Variants in NRXN2 observed in about 807,000 individuals in gnomAD.
NRXN2 encodes the protein neurexin-2-beta.
Under a neutral mutation model 128.8 loss-of-function variants are expected in NRXN2, and 29 were observed. The ratio of observed to expected loss-of-function variants is 0.23; its 90% CI spans 0.17 to 0.31. NRXN2 has a LOEUF of 0.31. Ranked by LOEUF, NRXN2 falls within the 10% of genes least tolerant of loss-of-function variation. The probability of loss-of-function intolerance (pLI) is 1.00; values close to 1 mark genes in which losing one functional copy is unlikely to be tolerated. For synonymous variants in NRXN2, 1,098 were observed against 1,075.2 expected (o/e 1.02, Z -0.41); for missense variants, 1,881 against 2,452.6 (o/e 0.77, Z 4.92).
At chr11:64,647,732 G>A (rs750076879) in intron 17 of NRXN2, among the ~76,000 whole-genome samples, 14 of 152,190 alleles carry the variant, frequency 9.2e-5, no homozygotes, top group Non-Finnish European at 1.3e-4. Context: ...TGTCCTCTGG[G>A]GTGTGGTCCT....
chr11:64,712,292 C>T (rs1003086392), intron 2 of NRXN2, among the ~76,000 whole-genome samples: 3 of 151,742 alleles, frequency 2.0e-5, no homozygotes, highest in African/African-American at 7.3e-5. Context: ...TCTTGTAGGC[C>T]CTGACCACAC....
intron 6 of NRXN2, among the ~76,000 whole-genome samples, chr11:64,683,422 C>A (rs574759480): frequency 1.4e-4 from 21 of 152,180 alleles, no homozygotes; most frequent in South Asian, 4.2e-4. Context: ...GAGTTCAAGA[C>A]CAGCCTGGCC....
intron 5 of NRXN2, chr11:64,688,619 A>G: frequency 1.0e-6 from 1 of 985,166 alleles, no homozygotes; most frequent in South Asian, 4.7e-5. Flanking sequence ...GGGAACTACA[A>G]CTCCCAGCAG....
intron 4 of NRXN2, among the ~76,000 whole-genome samples, chr11:64,691,000 C>G (rs1456106252): frequency 6.6e-6 from 1 of 152,192 alleles, no homozygotes; most frequent in Non-Finnish European, 1.5e-5. Flanking sequence ...ATTTATATCC[C>G]AAGCTCCTCT....
At chr11:64,615,840 G>A (rs560042697) in intron 22 of NRXN2, among the ~76,000 whole-genome samples, 22 of 103,934 alleles carry the variant, frequency 2.1e-4, no homozygotes, top group East Asian at 7.4e-4. Flanking sequence ...GTGTGTGTGT[G>A]TGTGTGTGTG....
At chr11:64,694,172 C>T (rs916575333) in intron 3 of NRXN2, among the ~76,000 whole-genome samples, 4 of 152,196 alleles carry the variant, frequency 2.6e-5, no homozygotes, top group African/African-American at 9.7e-5. Flanking sequence ...GGCCAGCCAG[C>T]TCCACCAAAC....
At chr11:64,643,352 CGGCCGGGGGAGGGGGG>C in intron 17 of NRXN2, 4 of 73,318 alleles carry the variant, frequency 5.5e-5, no homozygotes, top group South Asian at 6.2e-4. Flanking sequence ...AAGGAGGGAG[CGGCCGGGGGAGGGGGG>C]GGCGGGAGAA....
chr11:64,685,532 C>T, intron 6 of NRXN2, 114 bp downstream of exon 6: 1 of 1,389,650 alleles, frequency 7.2e-7, no homozygotes, highest in Non-Finnish European at 1.0e-6. Context: ...TCCAGAACCA[C>T]ACCTCACTGC....
intron 1 of NRXN2, among the ~76,000 whole-genome samples, chr11:64,721,727 A>G (rs903684816): frequency 6.6e-6 from 1 of 152,094 alleles, no homozygotes; most frequent in Non-Finnish European, 1.5e-5. Flanking sequence ...GAACACCCAG[A>G]CACTGGGAAG....
At position 64,667,724 on chromosome 11, in the gene NRXN2, G is replaced by A. The variant is rs536773964; in HGVS notation, c.1360-36C>T. ...GGGTGGGGTCAGGGATAAAGAATCC[G>A]AAAGCAGCTTAGGGCCTGGCCACTC... On this transcript the variant is annotated intron_variant, in intron 8 of 22. Transcript: ENST00000265459. This position sits in a 1 kb window ranked among gnomAD's most constrained non-coding sequence, Gnocchi z 5.6. 2.2e-5 allele frequency: 35 copies of A among 1,608,132 alleles called. No individual in the cohort carries two copies. The highest frequency in any genetic ancestry group is 5.3e-5 in the African/African-American group (4 of 74,942).
intron 2 of NRXN2, chr11:64,712,741 A>C (rs1372179523): frequency 1.5e-6 from 1 of 668,530 alleles, no homozygotes. Flanking sequence ...CGCAGGACTC[A>C]CGCTGACCAC....
chr11:64,615,025 C>G (rs2041260169), intron 22 of NRXN2, among the ~76,000 whole-genome samples: 1 of 152,206 alleles, frequency 6.6e-6, no homozygotes, highest in African/African-American at 2.4e-5. Flanking sequence ...CTAGCTGGGC[C>G]CCAGACCTGT....
At chr11:64,688,685 T>C (rs1341440463) in intron 5 of NRXN2, 23 of 985,206 alleles carry the variant, frequency 2.3e-5, no homozygotes, top group African/African-American at 3.5e-5. Context: ...AGATAATAGC[T>C]GATGCTCGTT....
At position 64,651,719 on chromosome 11, in the gene NRXN2, A is replaced by G; in HGVS notation, c.2537-83T>C. The G allele has an allele frequency of 4.8e-6, 7 of 1,454,128 alleles. No homozygotes were observed. The highest frequency in any genetic ancestry group is 6.7e-6 in the Non-Finnish European group (7 of 1,049,318). 90.1% of individuals were successfully genotyped at this position (1,454,128 alleles called of 1,614,324 possible). On this transcript the variant is annotated intron_variant, in intron 13 of 22. Transcript: ENST00000265459. This position sits in a 1 kb window ranked among gnomAD's most constrained non-coding sequence, Gnocchi z 5.9. ...GGGTTCCCAGGAGCCTCCCCTCCAC[A>G]GGAGGGCCACCCATGAGTGACATCT...
intron 17 of NRXN2, among the ~76,000 whole-genome samples, chr11:64,644,686 G>A (rs1231900816): frequency 1.3e-5 from 2 of 152,102 alleles, no homozygotes; most frequent in Admixed American, 1.3e-4. Flanking sequence ...AGGGAAAGGA[G>A]GAGAGAGGTG....
chr11:64,711,875 T>C (rs374660202), intron 2 of NRXN2, among the ~76,000 whole-genome samples: 1 of 152,286 alleles, frequency 6.6e-6, no homozygotes, highest in South Asian at 2.1e-4. Flanking sequence ...GAGGATTTTG[T>C]GGTGAAAAAG....
At chr11:64,691,995 A>G (rs2053865103) in intron 4 of NRXN2, among the ~76,000 whole-genome samples, 1 of 152,216 alleles carries the variant, frequency 6.6e-6, no homozygotes, top group South Asian at 2.1e-4. Flanking sequence ...AGAATCAGTG[A>G]CAGCAGAGGG....
intron 4 of NRXN2, among the ~76,000 whole-genome samples, chr11:64,690,883 C>G (rs1053959806): frequency 6.6e-6 from 1 of 152,182 alleles, no homozygotes; most frequent in African/African-American, 2.4e-5. Flanking sequence ...ACATTCTCCC[C>G]ACCACTCTGC....
intron 14 of NRXN2, 27 bp from the exon 15 acceptor site, chr11:64,650,665 G>A (rs755549496): frequency 1.7e-5 from 28 of 1,608,722 alleles, no homozygotes; most frequent in Admixed American, 1.0e-4. Context: ...AGGAGACACT[G>A]GGTCAGGGCG....
Sources: gnomAD v4.1 joint callset for allele counts (sites outside exome capture counted in the v4.1 genomes callset) on GRCh38, gnomAD v4.1.1 for gene constraint, Gnocchi (gnomAD v3.1) non-coding constraint, MANE v1.5 for transcripts, NCBI Gene and HGNC (gene_info 2026-07-23, HGNC 2026-07-21) for gene names.